GBA1: variants seen among roughly 807,000 people sequenced by gnomAD.
The protein encoded by GBA1 is glucosylceramidase beta 1.
At chr1:155,236,367 G>A in the GBA1 span, 20 of 1,614,156 alleles carry the variant, frequency 1.2e-5, no homozygotes, top group Non-Finnish European at 1.6e-5. Context: ...GGGAACAGGC[G>A]GTGTGTCTCC....
chr1:155,238,060 T>C, the GBA1 span: 3 of 1,493,662 alleles, frequency 2.0e-6, no homozygotes, highest in Non-Finnish European at 2.8e-6. Flanking sequence ...GGAACTAGGT[T>C]GAGGGTTGGG....
the GBA1 span, chr1:155,237,595 C>T: frequency 6.2e-7 from 1 of 1,612,846 alleles, no homozygotes; most frequent in Non-Finnish European, 8.5e-7. Context: ...AGAGAAAGGT[C>T]ATGAATGATC....
At chr1:155,238,246 G>A in the GBA1 span, 1 of 1,613,038 alleles carries the variant, frequency 6.2e-7, no homozygotes. Flanking sequence ...GATGTCCAGG[G>A]GCTGGCAAGG....
the GBA1 span, chr1:155,238,580 T>G: frequency 6.2e-7 from 1 of 1,613,556 alleles, no homozygotes; most frequent in South Asian, 1.1e-5. Flanking sequence ...CAGGGGTGTC[T>G]GCATAGGTGT....
At chr1:155,242,372 T>C in the GBA1 span, among the ~76,000 whole-genome samples, 8 of 151,856 alleles carry the variant, frequency 5.3e-5, no homozygotes, top group East Asian at 7.8e-4. Context: ...ACAGGTGCCC[T>C]CCAACATGCT....
the GBA1 span, chr1:155,235,766 T>G: frequency 6.2e-7 from 1 of 1,614,224 alleles, no homozygotes; most frequent in Non-Finnish European, 8.5e-7. Flanking sequence ...TCGACAAAGT[T>G]ACGCACCCAA....
chr1:155,239,968 G>C, the GBA1 span: 1 of 1,614,110 alleles, frequency 6.2e-7, no homozygotes, highest in Non-Finnish European at 8.5e-7. Flanking sequence ...AGCGGCTGAA[G>C]GTACCAAGGG....
the GBA1 span, among the ~76,000 whole-genome samples, chr1:155,242,225 G>T: frequency 1.4e-3 from 205 of 151,798 alleles, 1 homozygote; most frequent in African/African-American, 3.5e-3. Context: ...TGTATTTTTT[G>T]TTGTTGTTGT....
the GBA1 span, chr1:155,239,539 CA>C: frequency 5.2e-6 from 8 of 1,531,650 alleles, no homozygotes; most frequent in Non-Finnish European, 6.3e-6. Flanking sequence ...GATTCTGCCT[CA>C]AAAAAATTTT....
the GBA1 span, chr1:155,240,722 G>C: frequency 1.9e-6 from 3 of 1,610,656 alleles, no homozygotes; most frequent in Non-Finnish European, 2.5e-6. Context: ...ACATTCCTGA[G>C]GACAGAATGA....
At chr1:155,235,346 G>T in the GBA1 span, 11 of 1,604,702 alleles carry the variant, frequency 6.9e-6, no homozygotes, top group Non-Finnish European at 8.5e-6. Context: ...AGTCCCTCGG[G>T]GTACCTCCCA....
the GBA1 span, chr1:155,236,234 G>A: frequency 8.1e-6 from 13 of 1,608,968 alleles, no homozygotes; most frequent in Non-Finnish European, 1.1e-5. Flanking sequence ...AGGGAGACTG[G>A]GGTGGCTTAC....
the GBA1 span, chr1:155,237,646 C>A: frequency 6.3e-7 from 1 of 1,596,076 alleles, no homozygotes; most frequent in Non-Finnish European, 8.5e-7. Flanking sequence ...TGTGGTGGCT[C>A]ACACCTGTAA....
chr1:155,239,605 T>C, the GBA1 span: 2 of 1,614,158 alleles, frequency 1.2e-6, no homozygotes, highest in Non-Finnish European at 1.7e-6. Context: ...TCTTGTCCCC[T>C]TCCTCCTCAC....
At chr1:155,235,425 G>T in the GBA1 span, 7 of 1,536,316 alleles carry the variant, frequency 4.6e-6, no homozygotes, top group Admixed American at 1.4e-4. Flanking sequence ...GCTCTGCCCT[G>T]GCTCTCTAGG....
the GBA1 span, among the ~76,000 whole-genome samples, chr1:155,243,127 G>A: frequency 2.0e-5 from 3 of 152,200 alleles, no homozygotes; most frequent in South Asian, 6.2e-4. Flanking sequence ...TGTTCCTGGA[G>A]TTCCTTGAAG....
At chr1:155,235,226 C>T in the GBA1 span, 13 of 1,613,514 alleles carry the variant, frequency 8.1e-6, no homozygotes, top group South Asian at 4.4e-5. Context: ...GCAGAGCCAT[C>T]GGGATGCATC....
At chr1:155,237,701 A>C in the GBA1 span, 1 of 1,549,472 alleles carries the variant, frequency 6.5e-7, no homozygotes, top group Non-Finnish European at 8.7e-7. Context: ...ACTTGAGTTC[A>C]GGAGTTCGAG....
chr1:155,237,803 G>A, the GBA1 span: 1 of 925,182 alleles, frequency 1.1e-6, no homozygotes, highest in Non-Finnish European at 1.6e-6. Context: ...TTGGAAGGCT[G>A]AGGCAGGAGA....
Sources: gnomAD v4.1 joint callset for allele counts (sites outside exome capture counted in the v4.1 genomes callset) on GRCh38, gnomAD v4.1.1 for gene constraint, MANE v1.5 for transcripts, NCBI Gene and HGNC (gene_info 2026-07-23, HGNC 2026-07-21) for gene names.